ABI3BP: variants seen among roughly 807,000 people sequenced by gnomAD.
ABI3BP encodes target of Nesh-SH3.
ABI3BP carries 216 observed loss-of-function variants against 268.6 expected under a neutral mutation model. The ratio of observed to expected loss-of-function variants is 0.80; its 90% CI spans 0.72 to 0.90. The LOEUF (loss-of-function observed/expected upper bound fraction) is 0.90, where lower values mean the gene tolerates loss of function less well. Ranked by LOEUF, ABI3BP falls within the 40% of genes least tolerant of loss-of-function variation. The pLI is 0.00. For missense variants in ABI3BP, 2,090 were observed against 2,182.4 expected, an observed-to-expected ratio of 0.96 and a Z score of 0.84; for synonymous variants, 730 against 730.0, an observed-to-expected ratio of 1.00 and a Z score of 0.00.
intron 34 of ABI3BP, among the ~76,000 whole-genome samples, chr3:100,827,309 A>T (rs1166295439): frequency 6.6e-6 from 1 of 151,694 alleles, no homozygotes; most frequent in African/African-American, 2.4e-5. Context: ...TTCTAAACTG[A>T]CTCCTTGTCA....
intron 2 of ABI3BP, among the ~76,000 whole-genome samples, 157 bp from the exon 3 acceptor site, chr3:100,902,843 G>C (rs1240368263): frequency 6.6e-6 from 1 of 152,176 alleles, no homozygotes; most frequent in Non-Finnish European, 1.5e-5. Flanking sequence ...GACACTTCCT[G>C]AGAAGTTTAT....
chr3:100,830,144 T>C lies in ABI3BP; in HGVS notation c.2458+434A>G, dbSNP rs200608289. On this transcript the variant is annotated intron_variant, in intron 32 of 67. Coordinates refer to ENST00000471714, the MANE Select transcript of ABI3BP (RefSeq NM_001375547.2). ...ATATATATATATATATATATATATATATATATATATATATATATATAAAAT... is the reference window on the plus strand; with the variant it reads ...ATATATATATATATATATATATATACATATATATATATATATATATAAAAT... Among the ~76,000 whole-genome samples the C allele has an allele frequency of 1.4e-3, 83 of 58,808 alleles. 1 individual carries two copies. The East Asian group carries it at 0.02, about 14-fold the overall frequency. 38.6% of individuals were successfully genotyped at this position (58,808 alleles called of 152,430 possible).
Position 100,862,296 on chromosome 3 carries a change from A to C in ABI3BP, c.1285+15T>G. On this transcript the variant is annotated intron_variant, in intron 14 of 67. Coordinates refer to ENST00000471714, the MANE Select transcript of ABI3BP (RefSeq NM_001375547.2). ...CTTGTTATAATCGATTTTTTTAAGA[A>C]AAGGATTTAATTACCAGTTTGAGGC... 2 of 1,558,432 alleles carry C rather than the reference A, an allele frequency of 1.3e-6. No individual in the cohort carries two copies. Among genetic ancestry groups the C allele is most frequent in the Non-Finnish European group, 1.7e-6 (2 of 1,150,876 alleles).
rs748483681 is a variant in ABI3BP at position 100,864,798 on chromosome 3, G to GT, written c.1063+34dup. 3 of 1,481,408 alleles carry GT rather than the reference G, an allele frequency of 2.0e-6. No homozygotes were observed. The South Asian group carries it at 3.8e-5, about 19-fold the overall frequency. 91.8% of individuals were successfully genotyped at this position (1,481,408 alleles called of 1,614,324 possible). A position where few individuals can be genotyped will look rare whatever the true frequency, so the allele number is the denominator to read the frequency against. On this transcript the variant is annotated intron_variant, in intron 11 of 67. Transcript: ENST00000471714. ...TGGGAGTTATTTCGTTGTTACTTTTGTTTTTTTAGAAAAAAAAAAAGTTCT... is the reference window on the plus strand; with the variant it reads ...TGGGAGTTATTTCGTTGTTACTTTTGTTTTTTTTAGAAAAAAAAAAAGTTCT...
At chr3:100,836,068 G>A in intron 27 of ABI3BP, among the ~76,000 whole-genome samples, 1 of 152,104 alleles carries the variant, frequency 6.6e-6, no homozygotes, top group East Asian at 1.9e-4. Context: ...TTAGAAAGAT[G>A]TTTTCAGTCT....
At chr3:100,945,606 T>C in intron 1 of ABI3BP, 2 of 446,814 alleles carry the variant, frequency 4.5e-6, no homozygotes, top group Non-Finnish European at 9.0e-6. Flanking sequence ...ACACCTGGCT[T>C]CTTTCATTCA....
chr3:100,829,759 T>C lies in ABI3BP; in HGVS notation c.2459-95A>G, dbSNP rs966421450. 5 of 1,000,172 alleles carry C rather than the reference T, an allele frequency of 5.0e-6. No homozygotes were observed. The South Asian group carries it at 6.1e-5, about 12-fold the overall frequency. The allele number at this position is 1,000,172 out of a possible 1,614,324, so 62.0% of individuals were successfully genotyped here. A position where few individuals can be genotyped will look rare whatever the true frequency, so the allele number is the denominator to read the frequency against. ...TTATAATTTCTTGACTTCCAAGAAA[T>C]GTTTCTTTTGGGTTTGAAATATTTG... is the stretch of plus-strand genomic sequence containing the variant. On this transcript the variant is annotated intron_variant, in intron 32 of 67. Transcript: ENST00000471714.
At position 100,803,860 on chromosome 3, in the gene ABI3BP, G is replaced by A. The variant is rs987261690; in HGVS notation, c.3757+932C>T. 2.6e-5 allele frequency among the ~76,000 whole-genome samples: 4 copies of A among 152,130 alleles called. No individual in the cohort carries two copies. The East Asian group carries it at 7.7e-4, about 29-fold the overall frequency. ...AGCCTGCTACCACCACCACCAAAGT[G>A]ACTATACCACAGCAGCAATAATAGC... On this transcript the variant is annotated intron_variant, in intron 51 of 67. Coordinates refer to ENST00000471714, the MANE Select transcript of ABI3BP (RefSeq NM_001375547.2).
chr3:100,770,674 G>C, intron 62 of ABI3BP, 69 bp downstream of exon 62: 2 of 1,362,158 alleles, frequency 1.5e-6, no homozygotes, highest in Non-Finnish European at 1.9e-6. Context: ...TTGACCCAGG[G>C]TACCCCACTC....
intron 1 of ABI3BP, among the ~76,000 whole-genome samples, chr3:100,955,490 CTTAT>C (rs144799752): frequency 0.056 from 8,504 of 152,174 alleles, 458 homozygotes; most frequent in East Asian, 0.31. Flanking sequence ...AGATGTTTGA[CTTAT>C]TTGTTTCTTT....
chr3:100,817,621 G>A (rs2098096875), intron 41 of ABI3BP, 126 bp from the exon 42 acceptor site: 2 of 589,790 alleles, frequency 3.4e-6, no homozygotes, highest in South Asian at 2.8e-5. Context: ...ACCATGGTCA[G>A]GTACCCATTA....
chr3:100,935,245 T>A (rs2065541475), intron 1 of ABI3BP, among the ~76,000 whole-genome samples: 1 of 152,080 alleles, frequency 6.6e-6, no homozygotes, highest in Non-Finnish European at 1.5e-5. Flanking sequence ...ATCCTTTCCC[T>A]ATTTCTTGTT....
intron 1 of ABI3BP, among the ~76,000 whole-genome samples, chr3:100,945,271 A>C (rs1348369520): frequency 6.6e-6 from 1 of 152,158 alleles, no homozygotes; most frequent in Non-Finnish European, 1.5e-5. Context: ...TATTTTCACG[A>C]GCATATGGAA....
At chr3:100,848,473 CTTT>C (rs35928410) in intron 18 of ABI3BP, among the ~76,000 whole-genome samples, 2 of 148,624 alleles carry the variant, frequency 1.3e-5, no homozygotes, top group African/African-American at 4.9e-5. Flanking sequence ...AAAACATATC[CTTT>C]TTTTTTTTTC....
intron 10 of ABI3BP, among the ~76,000 whole-genome samples, chr3:100,866,217 A>G (rs945244171): frequency 2.0e-5 from 3 of 152,204 alleles, no homozygotes; most frequent in South Asian, 2.1e-4. Context: ...TGTCTGTTTC[A>G]TCAGGTCCTG....
chr3:100,798,106 A>T (rs191947815), intron 51 of ABI3BP, among the ~76,000 whole-genome samples: 2 of 152,160 alleles, frequency 1.3e-5, no homozygotes, highest in African/African-American at 4.8e-5. Flanking sequence ...AGCTGGGATT[A>T]AGGAAAGGAG....
chr3:100,989,061 C>T (rs1298078948), intron 1 of ABI3BP, among the ~76,000 whole-genome samples: 1 of 152,124 alleles, frequency 6.6e-6, no homozygotes, highest in African/African-American at 2.4e-5. Flanking sequence ...GGTGATTAGG[C>T]CATGAGGACT....
chr3:100,897,484 T>G (rs1319295514), intron 4 of ABI3BP, among the ~76,000 whole-genome samples: 1 of 151,702 alleles, frequency 6.6e-6, no homozygotes, highest in Admixed American at 6.6e-5. Flanking sequence ...CACTCAGGAG[T>G]ACAAAAAAGA....
intron 2 of ABI3BP, among the ~76,000 whole-genome samples, chr3:100,913,618 GAGTAGCATA>G (rs1488855503): frequency 6.6e-6 from 1 of 152,152 alleles, no homozygotes; most frequent in East Asian, 1.9e-4. Flanking sequence ...CATAAGAATA[GAGTAGCATA>G]AGTAGCATAA....
Sources: allele counts gnomAD v4.1 joint callset (sites outside exome capture counted in the v4.1 genomes callset), GRCh38; gene constraint gnomAD v4.1.1; transcripts MANE v1.5; gene names NCBI Gene and HGNC (gene_info 2026-07-23, HGNC 2026-07-21).